The following ITGA2 variants were observed in gnomAD, a reference collection of about 807,000 sequenced individuals.
ITGA2 encodes integrin subunit alpha 2.
In ITGA2, 101 loss-of-function variants were observed where a neutral mutation model predicts 146.3. That is an observed-to-expected ratio of 0.69 (90% CI 0.59 to 0.81). The LOEUF is 0.81. Ranked by LOEUF, ITGA2 falls within the 40% of genes least tolerant of loss-of-function variation. The pLI, the probability that ITGA2 is intolerant of heterozygous loss-of-function variation, is 0.00. For synonymous variants in ITGA2, 477 were observed against 487.1 expected (o/e 0.98, Z 0.27); for missense variants, 1,281 against 1,402.7 (o/e 0.91, Z 1.39).
In ITGA2 at chr5:52,989,497, C is replaced by T. The variant is rs1199255967; in HGVS notation, c.29C>T (p.Pro10Leu). The change falls in exon 1 of 30, where the codon CCG becomes CTG. Residue 10 changes from proline to leucine, a missense_variant. Around this residue, in one of 3 missense-constraint regions of ITGA2, gnomAD observed 795 missense variants for 841.7 expected, o/e 0.94. Transcript: ENST00000296585. Reference protein sequence around the residue: MGPERTGAAPLPLLLVLALS... With the variant: MGPERTGAALLPLLLVLALS... ...GGGCCAGAACGGACAGGGGCCGCGC[C>T]GCTGCCGCTGCTGCTGGTGTTAGCG... 4 of 1,614,044 alleles carry T rather than the reference C, an allele frequency of 2.5e-6. No individual in the cohort carries two copies. Among genetic ancestry groups the T allele is most frequent in the East Asian group, 2.2e-5 (1 of 44,874 alleles).
chr5:53,042,975 G>A (rs1316864890), intron 3 of ITGA2, among the ~76,000 whole-genome samples: 1 of 152,114 alleles, frequency 6.6e-6, no homozygotes, highest in Non-Finnish European at 1.5e-5. Context: ...GGAAACAAGG[G>A]AAGTGGTGTT....
chr5:53,042,459 G>A (rs1273347075), intron 3 of ITGA2, among the ~76,000 whole-genome samples: 1 of 152,088 alleles, frequency 6.6e-6, no homozygotes, highest in African/African-American at 2.4e-5. Flanking sequence ...ACCATGGACT[G>A]GTTTCCATCA....
Position 53,078,869 on chromosome 5 carries a change from C to G in ITGA2, c.2923C>G (p.Leu975Val). Reference protein sequence around the residue: ...EDVGPKFIFSLKVTTGSVPVS... With the variant: ...EDVGPKFIFSVKVTTGSVPVS... ...TGTTGGTCCAAAATTCATCTTCTCC[C>G]TGAAGGTTGGTAAGCCTGTCATAAG... is the stretch of plus-strand genomic sequence containing the variant. Residue 975 changes from leucine (L) to valine (V), a missense_variant, in exon 24 of 30, where the codon CTG becomes GTG. Physicochemically the swap from Leu to Val is conservative, Grantham distance 32. This residue lies in a region of ITGA2 where 475 missense variants were observed against 530.5 expected (regional missense o/e 0.90). Transcript: ENST00000296585. 1 of 1,586,494 alleles carries G rather than the reference C, an allele frequency of 6.3e-7. No individual in the cohort carries two copies. The highest frequency in any genetic ancestry group is 8.7e-7 in the Non-Finnish European group (1 of 1,155,770).
chr5:52,992,537 A>G (rs17294112), intron 1 of ITGA2, among the ~76,000 whole-genome samples: 4,022 of 152,238 alleles, frequency 0.026, 76 homozygotes, highest in Middle Eastern at 0.058. Flanking sequence ...TTATCACACA[A>G]ACATGAAAGC....
In ITGA2 at chr5:53,070,197, C is replaced by T. The variant is rs754664175; in HGVS notation, c.2172C>T (p.Cys724=). Residue 724 remains cysteine (C), a synonymous_variant, in exon 17 of 30, where the codon TGC becomes TGT. Coordinates refer to ENST00000296585, the MANE Select transcript of ITGA2 (RefSeq NM_002203.4). ...TATTTAAAGAAAACAATGAAAGGTG[C>T]CTGCAGAAGAATATGGTAGTAAATC... The part of the protein sequence containing the change: ...RGLFKENNER[C]LQKNMVVNQA... 1.6e-4 allele frequency: 257 copies of T among 1,611,680 alleles called. No individual in the cohort carries two copies. The highest frequency in any genetic ancestry group is 4.2e-4 in the Admixed American group (25 of 59,796).
intron 28 of ITGA2, 98 bp downstream of exon 28, chr5:53,087,139 T>A: frequency 1.2e-6 from 1 of 815,386 alleles, no homozygotes; most frequent in Non-Finnish European, 2.1e-6. Context: ...TACATGTATG[T>A]AGAAGTATCT....
At chr5:53,087,492 G>A (rs1579913575) in intron 28 of ITGA2, among the ~76,000 whole-genome samples, 2 of 152,234 alleles carry the variant, frequency 1.3e-5, no homozygotes, top group Admixed American at 6.5e-5. Context: ...AGGTACTGAA[G>A]CATGCTTAAT....
At chr5:53,063,399 G>A (rs1489066037) in intron 13 of ITGA2, among the ~76,000 whole-genome samples, 1 of 151,886 alleles carries the variant, frequency 6.6e-6, no homozygotes. Flanking sequence ...TTGTCAGGAA[G>A]TGTCATTGCT....
chr5:52,989,837 GAC>G (rs76264329), intron 1 of ITGA2, among the ~76,000 whole-genome samples: 1 of 139,530 alleles, frequency 7.2e-6, no homozygotes, highest in Non-Finnish European at 1.6e-5. Context: ...CACACACACA[GAC>G]AGACACGCAC....
At chr5:53,017,918 G>A (rs933328839) in intron 1 of ITGA2, among the ~76,000 whole-genome samples, 1 of 152,116 alleles carries the variant, frequency 6.6e-6, no homozygotes, top group African/African-American at 2.4e-5. Context: ...CGGTTGGGGA[G>A]GCTGTGGCTG....
chr5:53,007,655 T>C (rs1201473169), intron 1 of ITGA2, among the ~76,000 whole-genome samples: 2 of 152,294 alleles, frequency 1.3e-5, no homozygotes, highest in East Asian at 3.9e-4. Flanking sequence ...TGTCTTCCTC[T>C]CAGCCACTGA....
intron 2 of ITGA2, among the ~76,000 whole-genome samples, chr5:53,037,687 T>C (rs1399283791): frequency 6.6e-6 from 1 of 152,148 alleles, no homozygotes; most frequent in African/African-American, 2.4e-5. Context: ...ATGTTTCTAA[T>C]AAAGAAGGTA....
intron 2 of ITGA2, among the ~76,000 whole-genome samples, chr5:53,041,782 C>A (rs1743807998): frequency 6.6e-6 from 1 of 152,102 alleles, no homozygotes; most frequent in South Asian, 2.1e-4. Flanking sequence ...AAATTAATTT[C>A]ACCTGTTGCT....
intron 16 of ITGA2, 52 bp downstream of exon 16, chr5:53,067,309 T>G (rs2111981813): frequency 1.3e-6 from 2 of 1,597,644 alleles, no homozygotes; most frequent in East Asian, 4.5e-5. Context: ...TACAGAGTTT[T>G]AGTCCTGAAT....
Position 53,090,830 on chromosome 5 carries a change from T to C in ITGA2, c.*231T>C. 1.7e-6 allele frequency: 1 copy of C among 597,956 alleles called. No homozygotes were observed. Among genetic ancestry groups the C allele is most frequent in the East Asian group, 2.8e-5 (1 of 36,100 alleles). The allele number at this position is 597,956 out of a possible 1,614,324, so 37.0% of individuals were successfully genotyped here. A position where few individuals can be genotyped will look rare whatever the true frequency, so the allele number is the denominator to read the frequency against. On this transcript the variant is annotated 3_prime_UTR_variant, in exon 30 of 30. Transcript: ENST00000296585. ...TAGGGAAAATACCTATTTTATATGA[T>C]GGGGGAAAAAAAGTAATCTTTAAAC...
Position 53,048,411 on chromosome 5 carries a change from AC to A in ITGA2, c.437del (p.Thr146ArgfsTer28), listed in dbSNP as rs771146554. 22 of 1,614,006 alleles carry A rather than the reference AC, an allele frequency of 1.4e-5. No individual in the cohort carries two copies. Among genetic ancestry groups the A allele is most frequent in the African/African-American group, 2.7e-5 (2 of 74,926 alleles). Reference sequence around the variant, plus strand: ...GCAATGTGGGAATCAGTATTACACAACGGGTGTGTGTTCTGACATCAGTCCT... The same window carrying A: ...GCAATGTGGGAATCAGTATTACACAAGGGTGTGTGTTCTGACATCAGTCCT... Reference protein sequence around the residue: ...AQQCGNQYYTTGVCSDISPDF... With the variant: ...AQQCGNQYYTXGVCSDISPDF... On this transcript the variant is annotated frameshift_variant, in exon 5 of 30. Transcript: ENST00000296585. LOFTEE classifies it high-confidence loss of function.
chr5:53,038,459 G>T (rs1743608216), intron 2 of ITGA2, among the ~76,000 whole-genome samples: 1 of 152,060 alleles, frequency 6.6e-6, no homozygotes, highest in Non-Finnish European at 1.5e-5. Context: ...CCACAGTATG[G>T]ATGTACCCTC....
intron 1 of ITGA2, among the ~76,000 whole-genome samples, chr5:52,997,975 T>G (rs1741358223): frequency 6.6e-6 from 1 of 152,182 alleles, no homozygotes; most frequent in Admixed American, 6.5e-5. Flanking sequence ...ATTTAATAAA[T>G]AGCCCTAATG....
rs528179659 is a variant in ITGA2 at position 53,065,856 on chromosome 5, G to A, written c.1822G>A (p.Asp608Asn). The part of the protein sequence containing the change: ...TKYSQKILGS[D>N]GAFRSHLQYF... Reference sequence around the variant, plus strand: ...GCTCTTTTAGAAAATCTTGGGATCCGATGGAGCCTTTAGGAGCCATCTCCA... The same window carrying A: ...GCTCTTTTAGAAAATCTTGGGATCCAATGGAGCCTTTAGGAGCCATCTCCA... Residue 608 changes from aspartate (D) to asparagine (N), a missense_variant, in exon 15 of 30, where the codon GAT (aspartate) becomes AAT (asparagine). Asp to Asn is a conservative substitution (Grantham distance 23, BLOSUM62 1). Transcript: ENST00000296585. The A allele has an allele frequency of 3.7e-6, 6 of 1,611,852 alleles. No homozygotes were observed. Among genetic ancestry groups the A allele is most frequent in the Middle Eastern group, 1.7e-4 (1 of 6,040 alleles).
Sources: allele counts gnomAD v4.1 joint callset (sites outside exome capture counted in the v4.1 genomes callset), GRCh38; gene constraint gnomAD v4.1.1; regional missense constraint gnomAD v4.1.1; transcripts MANE v1.5; gene names NCBI Gene and HGNC (gene_info 2026-07-23, HGNC 2026-07-21).